AVEN: variants seen among roughly 807,000 people sequenced by gnomAD.
AVEN encodes cell death regulator Aven.
Under a neutral mutation model 38.1 loss-of-function variants are expected in AVEN, and 41 were observed. That is an observed-to-expected ratio of 1.08 (90% CI 0.84 to 1.40). The LOEUF (loss-of-function observed/expected upper bound fraction) is 1.40, where lower values mean the gene tolerates loss of function less well. Ranked by LOEUF, AVEN falls within the 40% of genes most tolerant of loss-of-function variation. The pLI is 0.00. For synonymous variants in AVEN, 206 were observed against 171.8 expected (o/e 1.20, Z -1.56); for missense variants, 605 against 438.8 (o/e 1.38, Z -3.38).
At chr15:33,910,232 T>C (rs1393998803) in intron 2 of AVEN, among the ~76,000 whole-genome samples, 1 of 152,050 alleles carries the variant, frequency 6.6e-6, no homozygotes, top group East Asian at 1.9e-4. Flanking sequence ...TTCATTTCTC[T>C]GAGATCTTTC....
chr15:34,033,814 A>C (rs918150992), intron 1 of AVEN, among the ~76,000 whole-genome samples: 17 of 152,248 alleles, frequency 1.1e-4, no homozygotes, highest in Non-Finnish European at 2.2e-4. Context: ...TTTGAGATGG[A>C]GTCTCATTCT....
At chr15:34,048,037 T>TTTG (rs1899780602) in intron 5 of AVEN, among the ~76,000 whole-genome samples, 2 of 77,122 alleles carry the variant, frequency 2.6e-5, no homozygotes, top group Non-Finnish European at 5.2e-5. Flanking sequence ...GTGTGTGTGT[T>TTTG]TGTGTGTGTG....
At position 33,899,460 on chromosome 15, in the gene AVEN, C is replaced by CTTTTTTTTTTTTTTTTTTTTTTTTTG. The variant is rs1892392151; in HGVS notation, c.446-23466_446-23465insCAAAAAAAAAAAAAAAAAAAAAAAAA. Among the ~76,000 whole-genome samples, 2 of 65,430 alleles carry CTTTTTTTTTTTTTTTTTTTTTTTTTG rather than the reference C, an allele frequency of 3.1e-5. 1 individual carries two copies. The highest frequency in any genetic ancestry group is 5.7e-5 in the Non-Finnish European group (2 of 35,032). 42.9% of individuals were successfully genotyped at this position (65,430 alleles called of 152,430 possible). On this transcript the variant is annotated intron_variant, in intron 2 of 5. Transcript: ENST00000306730. The stretch of plus-strand genomic sequence containing the variant: ...TACATTTATTTGCTTCAGGGAAAAC[C>CTTTTTTTTTTTTTTTTTTTTTTTTTG]TTTTTTTTTTTTTTTTTTTTTTTTT...
Position 33,866,481 on chromosome 15 carries a change from A to C in AVEN, c.*132T>G. The C allele has an allele frequency of 1.6e-6, 1 of 634,830 alleles. No homozygotes were observed. The highest frequency in any genetic ancestry group is 2.8e-6 in the Non-Finnish European group (1 of 357,884). The allele number at this position is 634,830 out of a possible 1,614,324, so 39.3% of individuals were successfully genotyped here. A position where few individuals can be genotyped will look rare whatever the true frequency, so the allele number is the denominator to read the frequency against. ...ATGTCAAACACAGAGGTAGGCATTT[A>C]CTGCTGTGAGCATAATGGAACACAC... On this transcript the variant is annotated 3_prime_UTR_variant, in exon 6 of 6. Coordinates refer to ENST00000306730, the MANE Select transcript of AVEN (RefSeq NM_020371.3).
Position 33,937,109 on chromosome 15 carries a change from C to T in AVEN, c.446-61114G>A, listed in dbSNP as rs1431924214. Among the ~76,000 whole-genome samples the T allele has an allele frequency of 1.6e-4, 18 of 109,466 alleles. No individual in the cohort carries two copies. The East Asian group carries it at 3.4e-3, about 21-fold the overall frequency. 71.8% of individuals were successfully genotyped at this position (109,466 alleles called of 152,430 possible). A position where few individuals can be genotyped will look rare whatever the true frequency, so the allele number is the denominator to read the frequency against. ...TCGCGCCACTGCCCTTCAGCCTGGG[C>T]GACAGAGCGAGACTTCAACTCAAAA... On this transcript the variant is annotated intron_variant, in intron 2 of 5. Transcript: ENST00000306730.
chr15:33,872,457 A>T (rs74936378), intron 3 of AVEN, among the ~76,000 whole-genome samples: 9,447 of 152,200 alleles, frequency 0.062, 365 homozygotes, highest in African/African-American at 0.064. Flanking sequence ...CCCAGAGACC[A>T]TGTGTACATG....
intron 2 of AVEN, among the ~76,000 whole-genome samples, chr15:33,954,957 T>C (rs954564946): frequency 3.3e-5 from 5 of 152,218 alleles, no homozygotes; most frequent in Non-Finnish European, 5.9e-5. Context: ...CAAATGGCTA[T>C]CTTTCTACAG....
chr15:33,917,525 G>GTATATA (rs34540122), intron 2 of AVEN, among the ~76,000 whole-genome samples: 63 of 145,880 alleles, frequency 4.3e-4, no homozygotes, highest in African/African-American at 1.4e-3. Flanking sequence ...ACACATACGT[G>GTATATA]TATATATATA....
intron 2 of AVEN, among the ~76,000 whole-genome samples, chr15:33,895,241 C>T: frequency 6.6e-6 from 1 of 151,054 alleles, no homozygotes; most frequent in Non-Finnish European, 1.5e-5. Flanking sequence ...CTATTTTTTT[C>T]ACTGTTCTTC....
At chr15:33,958,784 ATAGCATCCAG>A (rs1242117579) in intron 2 of AVEN, among the ~76,000 whole-genome samples, 1 of 152,150 alleles carries the variant, frequency 6.6e-6, no homozygotes, top group Non-Finnish European at 1.5e-5. Flanking sequence ...GTCTGGTAGA[ATAGCATCCAG>A]CTCTCATTTT....
intron 2 of AVEN, among the ~76,000 whole-genome samples, chr15:33,905,739 G>C (rs1257787718): frequency 1.3e-5 from 2 of 151,668 alleles, no homozygotes; most frequent in Admixed American, 1.3e-4. Flanking sequence ...AGGTTTGCTT[G>C]AGCTCCAGAG....
chr15:33,999,831 A>G (rs1286232614), intron 2 of AVEN, among the ~76,000 whole-genome samples: 1 of 152,216 alleles, frequency 6.6e-6, no homozygotes, highest in Non-Finnish European at 1.5e-5. Context: ...CCAACACAGC[A>G]GAGTGATCCT....
chr15:34,011,725 C>A (rs777512459), intron 1 of AVEN, among the ~76,000 whole-genome samples: 10 of 152,284 alleles, frequency 6.6e-5, no homozygotes, highest in Non-Finnish European at 1.2e-4. Context: ...CTCTCTCTTT[C>A]CCTAAGTCCT....
intron 2 of AVEN, among the ~76,000 whole-genome samples, chr15:33,900,644 G>T (rs1032044669): frequency 6.6e-6 from 1 of 151,144 alleles, no homozygotes; most frequent in Non-Finnish European, 1.5e-5. Flanking sequence ...AAAACTGATC[G>T]CATAGCAAAA....
At chr15:33,865,172 T>A, downstream of AVEN, 4 of 1,613,878 alleles carry the variant, frequency 2.5e-6, no homozygotes, top group Non-Finnish European at 3.4e-6. Context: ...GGTGTTGGGA[T>A]TTCTTCCCAG....
chr15:33,890,899 G>A (rs1192005355), intron 2 of AVEN, among the ~76,000 whole-genome samples: 3 of 152,180 alleles, frequency 2.0e-5, no homozygotes, highest in African/African-American at 7.2e-5. Context: ...TGAGAGCCCT[G>A]AAATTTGAGG....
At chr15:33,856,126 C>G (rs962313164), downstream of AVEN, 3 of 152,210 alleles carry the variant, frequency 2.0e-5, no homozygotes, top group Admixed American at 6.5e-5. Flanking sequence ...CACCCAAGAC[C>G]ACACAGCTGC....
chr15:33,951,401 C>T (rs1053782108), intron 2 of AVEN, among the ~76,000 whole-genome samples: 1 of 148,394 alleles, frequency 6.7e-6, no homozygotes, highest in Non-Finnish European at 1.5e-5. Context: ...TTTCATACAC[C>T]GGGGCCTGTC....
At chr15:33,883,544 C>T (rs574542631) in intron 2 of AVEN, 16 of 152,038 alleles carry the variant, frequency 1.1e-4, no homozygotes, top group African/African-American at 2.4e-4. Flanking sequence ...GAGAAAAGCA[C>T]GCTTCAGTAT....
Sources: allele counts gnomAD v4.1 joint callset (sites outside exome capture counted in the v4.1 genomes callset), GRCh38; gene constraint gnomAD v4.1.1; transcripts MANE v1.5; gene names NCBI Gene and HGNC (gene_info 2026-07-23, HGNC 2026-07-21).